ELAVL2: variants seen among roughly 807,000 people sequenced by gnomAD.
The protein encoded by ELAVL2 is ELAV-like protein 2.
ELAVL2 carries 4 observed loss-of-function variants against 34.6 expected under a neutral mutation model. The observed-to-expected ratio is 0.12, with a 90% CI of 0.06 to 0.26. ELAVL2 has a LOEUF of 0.26. ELAVL2 is among the 10% of genes least tolerant of loss of function. ELAVL2 has a pLI of 1.00. For synonymous variants in ELAVL2, 193 were observed against 154.8 expected (o/e 1.25, Z -1.83); for missense variants, 432 against 442.8 (o/e 0.98, Z 0.22).
In ELAVL2 at chr9:23,731,164, T is replaced by C. The variant is rs112073000; in HGVS notation, c.230-39A>G. The C allele has an allele frequency of 1.2e-3, 1,850 of 1,565,544 alleles. 15 individuals are homozygous for C. The African/African-American group carries it at 0.023, about 19-fold the overall frequency. ...AGGGGAAAAAGGCATATATTAGTTCTATACTGTTGACAGAGATCAACTTTC... is the reference window on the plus strand; with the variant it reads ...AGGGGAAAAAGGCATATATTAGTTCCATACTGTTGACAGAGATCAACTTTC... On this transcript the variant is annotated intron_variant, in intron 2 of 6. Coordinates refer to ENST00000397312, the MANE Select transcript of ELAVL2 (RefSeq NM_004432.5).
At chr9:23,813,430 A>C (rs986424211) in intron 1 of ELAVL2, among the ~76,000 whole-genome samples, 1 of 134,822 alleles carries the variant, frequency 7.4e-6, no homozygotes, top group Non-Finnish European at 1.6e-5. Context: ...TTTTTTTTTT[A>C]CAACAATCTT....
intron 2 of ELAVL2, among the ~76,000 whole-genome samples, chr9:23,754,499 C>A (rs1167210128): frequency 6.6e-6 from 1 of 151,818 alleles, no homozygotes; most frequent in Admixed American, 6.6e-5. Context: ...GTCACACAGG[C>A]TGAAATGCAA....
At chr9:23,799,307 AGAG>A (rs1297729265) in intron 1 of ELAVL2, among the ~76,000 whole-genome samples, 1 of 152,202 alleles carries the variant, frequency 6.6e-6, no homozygotes, top group East Asian at 1.9e-4. Context: ...TCAGATCTTT[AGAG>A]GAGAAAAGCA....
intron 2 of ELAVL2, among the ~76,000 whole-genome samples, chr9:23,744,614 T>G (rs944504319): frequency 7.9e-5 from 12 of 152,132 alleles, no homozygotes; most frequent in Non-Finnish European, 1.6e-4. Flanking sequence ...AGGATTCTAC[T>G]TAGATTATAA....
intron 2 of ELAVL2, 64 bp downstream of exon 2, chr9:23,761,942 A>C: frequency 6.7e-7 from 1 of 1,498,074 alleles, no homozygotes; most frequent in Non-Finnish European, 8.9e-7. Flanking sequence ...CAGTAATCTT[A>C]TTATTTTCTC....
At chr9:23,706,525 T>C (rs750084614) in intron 3 of ELAVL2, among the ~76,000 whole-genome samples, 331 of 152,290 alleles carry the variant, frequency 2.2e-3, no homozygotes, top group Non-Finnish European at 3.1e-3. Flanking sequence ...TTTGCCAACA[T>C]TTAGTCTCAT....
chr9:23,843,483 A>G, the ELAVL2 span, among the ~76,000 whole-genome samples: 1 of 152,106 alleles, frequency 6.6e-6, no homozygotes, highest in Non-Finnish European at 1.5e-5. Flanking sequence ...GATCACTGGT[A>G]CTACTTACTA....
At chr9:23,714,763 A>G (rs1389825663) in intron 3 of ELAVL2, among the ~76,000 whole-genome samples, 2 of 152,186 alleles carry the variant, frequency 1.3e-5, no homozygotes, top group Non-Finnish European at 1.5e-5. Context: ...GTTACAAGCT[A>G]CCATGCAATC....
rs183264751 is a variant in ELAVL2, at chr9:23,743,321, A to G, written c.230-12196T>C. Among the ~76,000 whole-genome samples, 82 of 152,328 alleles carry G rather than the reference A, an allele frequency of 5.4e-4. 1 individual carries two copies. In the East Asian group the frequency reaches 0.015, roughly 29 times the overall value. On this transcript the variant is annotated intron_variant, in intron 2 of 6. Transcript: ENST00000397312. ...TACGATTGCCACATTCATATCACAC[A>G]TAAGCATTTCTTCCCAAATCACCTC...
chr9:23,722,133 A>G (rs2043885488), intron 3 of ELAVL2, among the ~76,000 whole-genome samples: 1 of 152,230 alleles, frequency 6.6e-6, no homozygotes, highest in African/African-American at 2.4e-5. Flanking sequence ...AAGTAATGAT[A>G]GGAATGGCTG....
rs527710583 is a variant in ELAVL2, at chr9:23,768,443, CT to C, written c.-15-6195del. 9.6e-3 allele frequency among the ~76,000 whole-genome samples: 1,340 copies of C among 139,768 alleles called. 4 individuals are homozygous for C. Among genetic ancestry groups the C allele is most frequent in the Middle Eastern group, 0.016 (4 of 254 alleles). The allele number at this position is 139,768 out of a possible 152,430, so 91.7% of individuals were successfully genotyped here. On this transcript the variant is annotated intron_variant, in intron 1 of 6. Coordinates refer to ENST00000397312, the MANE Select transcript of ELAVL2 (RefSeq NM_004432.5). ...CCCTAAATGTGTACAAACTAGGTAA[CT>C]TTTTTTTTTTTTTTTACTTTTTACA...
At chr9:23,802,259 T>C (rs769517234) in intron 1 of ELAVL2, among the ~76,000 whole-genome samples, 2 of 152,166 alleles carry the variant, frequency 1.3e-5, no homozygotes, top group South Asian at 2.1e-4. Flanking sequence ...CATGTATTTA[T>C]AGAAAGGGTC....
chr9:23,777,866 A>G (rs1044129347), intron 1 of ELAVL2, among the ~76,000 whole-genome samples: 2 of 152,198 alleles, frequency 1.3e-5, no homozygotes, highest in Non-Finnish European at 1.5e-5. Context: ...CTCCTACATT[A>G]CAAATAACCA....
intron 1 of ELAVL2, among the ~76,000 whole-genome samples, chr9:23,780,003 A>T (rs2058830798): frequency 1.9e-5 from 1 of 51,700 alleles, no homozygotes; most frequent in Non-Finnish European, 3.2e-5. Flanking sequence ...AAAAAAAAAA[A>T]AAAAAAAAAA....
chr9:23,756,826 T>G (rs540021506), intron 2 of ELAVL2, among the ~76,000 whole-genome samples: 1 of 152,268 alleles, frequency 6.6e-6, no homozygotes, highest in South Asian at 2.1e-4. Flanking sequence ...ACAAAATGTT[T>G]AAGACATTGA....
chr9:23,789,235 A>C (rs551104120), intron 1 of ELAVL2, among the ~76,000 whole-genome samples: 1 of 152,172 alleles, frequency 6.6e-6, no homozygotes, highest in Admixed American at 6.5e-5. Context: ...GTGACCCTCT[A>C]TATCAGTCTA....
intron 1 of ELAVL2, among the ~76,000 whole-genome samples, chr9:23,782,945 A>G (rs1265795056): frequency 6.6e-6 from 1 of 152,124 alleles, no homozygotes; most frequent in East Asian, 1.9e-4. Flanking sequence ...TTCCAATCCC[A>G]GCTTCCCATC....
intron 1 of ELAVL2, chr9:23,821,205 A>G (rs2064627454): frequency 6.6e-6 from 1 of 152,204 alleles, no homozygotes. Context: ...CCCCTCCCCC[A>G]CTTTCCCTCC....
intron 1 of ELAVL2, among the ~76,000 whole-genome samples, chr9:23,793,262 G>C (rs1383229765): frequency 6.6e-6 from 1 of 152,104 alleles, no homozygotes; most frequent in African/African-American, 2.4e-5. Flanking sequence ...TATTCAAATA[G>C]GCTTTTACCT....
Sources: allele counts gnomAD v4.1 joint callset (sites outside exome capture counted in the v4.1 genomes callset), GRCh38; gene constraint gnomAD v4.1.1; transcripts MANE v1.5; gene names NCBI Gene and HGNC (gene_info 2026-07-23, HGNC 2026-07-21).